Variants in EFR3B observed in about 807,000 individuals in gnomAD.
The protein encoded by EFR3B is EFR3 homolog B, also known as protein EFR3 homolog B.
In EFR3B, 64 loss-of-function variants were observed where a neutral mutation model predicts 104.7. The observed-to-expected ratio is 0.61, with a 90% CI of 0.50 to 0.75. The LOEUF is 0.75. EFR3B is among the 30% of genes least tolerant of loss of function. The probability of loss-of-function intolerance (pLI) is 0.00; values close to 1 mark genes in which losing one functional copy is unlikely to be tolerated. For synonymous variants in EFR3B, 385 were observed against 417.9 expected, an observed-to-expected ratio of 0.92 and a Z score of 0.96; for missense variants, 750 against 1,078.5, an observed-to-expected ratio of 0.70 and a Z score of 4.27.
intron 20 of EFR3B, 31 bp downstream of exon 20, chr2:25,149,773 G>A: frequency 1.3e-6 from 2 of 1,546,730 alleles, no homozygotes; most frequent in Non-Finnish European, 1.8e-6. Flanking sequence ...TCTGGTTAGA[G>A]GGCAAAATGG....
intron 3 of EFR3B, among the ~76,000 whole-genome samples, chr2:25,097,862 A>G (rs1669326911): frequency 1.3e-5 from 2 of 152,252 alleles, no homozygotes; most frequent in Non-Finnish European, 2.9e-5. Context: ...ACCCCTGAGC[A>G]TTGATGGGTG....
intron 4 of EFR3B, among the ~76,000 whole-genome samples, chr2:25,110,892 A>T (rs767128695): frequency 1.3e-5 from 2 of 151,922 alleles, no homozygotes; most frequent in Non-Finnish European, 2.9e-5. Context: ...ACATCCCTTA[A>T]CTCTCTTAGC....
chr2:25,157,856 TAGA>T lies in EFR3B; in HGVS notation c.*3519_*3521del, dbSNP rs1352661070. 1 of 152,266 alleles carries T rather than the reference TAGA, an allele frequency of 6.6e-6. No individual in the cohort carries two copies. The highest frequency in any genetic ancestry group is 1.5e-5 in the Non-Finnish European group (1 of 68,128). 9.4% of individuals were successfully genotyped at this position (152,266 alleles called of 1,614,324 possible). ...TGACTCCTAAACAGCCTCCTCACTATAGAAGGAGCCTGAGCAGGTCAGAAGAAC... is the reference window on the plus strand; with the variant it reads ...TGACTCCTAAACAGCCTCCTCACTATAGGAGCCTGAGCAGGTCAGAAGAAC... On this transcript the variant is annotated 3_prime_UTR_variant, in exon 23 of 23. Transcript: ENST00000403714.
At chr2:25,128,820 G>C (rs1279198427) in intron 6 of EFR3B, among the ~76,000 whole-genome samples, 1 of 151,636 alleles carries the variant, frequency 6.6e-6, no homozygotes, top group Non-Finnish European at 1.5e-5. Flanking sequence ...AAAATTAGCT[G>C]AGCGTGGTGG....
chr2:25,047,976 G>A (rs908458825), intron 1 of EFR3B, among the ~76,000 whole-genome samples: 1 of 151,998 alleles, frequency 6.6e-6, no homozygotes, highest in African/African-American at 2.4e-5. Flanking sequence ...AACATTTACT[G>A]CTCTAATATC....
chr2:25,152,589 CAGAG>C (rs1434201753), intron 21 of EFR3B, among the ~76,000 whole-genome samples: 4 of 152,014 alleles, frequency 2.6e-5, no homozygotes, highest in Non-Finnish European at 5.9e-5. Flanking sequence ...GCAAAGAGAT[CAGAG>C]AGAGAGGCAG....
intron 1 of EFR3B, 87 bp from the exon 2 acceptor site, chr2:25,091,238 A>G: frequency 1.6e-6 from 2 of 1,286,082 alleles, no homozygotes; most frequent in Admixed American, 4.7e-5. Flanking sequence ...GTTTCCTGCC[A>G]CTCACAGGCT....
Position 25,042,276 on chromosome 2 carries a change from C to A in EFR3B, c.-37C>A. 2 of 1,309,298 alleles carry A rather than the reference C, an allele frequency of 1.5e-6. No individual in the cohort carries two copies. Among genetic ancestry groups the A allele is most frequent in the Non-Finnish European group, 1.9e-6 (2 of 1,029,424 alleles). 81.1% of individuals were successfully genotyped at this position (1,309,298 alleles called of 1,614,324 possible). A position where few individuals can be genotyped will look rare whatever the true frequency, so the allele number is the denominator to read the frequency against. On this transcript the variant is annotated 5_prime_UTR_variant, in exon 1 of 23. Transcript: ENST00000403714. The surrounding 1 kb of genome is among the most constrained non-coding windows in gnomAD (Gnocchi z 5.4). ...CGAGGGCTGGCTGGGAACGCCGCAG[C>A]GACGCCGGCCTCTCGAGAGGCGCGC... is the stretch of plus-strand genomic sequence containing the variant.
chr2:25,079,748 T>C (rs1668737853), intron 1 of EFR3B, among the ~76,000 whole-genome samples: 1 of 152,202 alleles, frequency 6.6e-6, no homozygotes, highest in African/African-American at 2.4e-5. Flanking sequence ...GTTCTATAAA[T>C]AGAATTAAAT....
intron 3 of EFR3B, among the ~76,000 whole-genome samples, chr2:25,094,053 G>A (rs1669208640): frequency 6.6e-6 from 1 of 152,006 alleles, no homozygotes; most frequent in South Asian, 2.1e-4. Context: ...TTAGGAGGCT[G>A]AGGTGGGAGG....
intron 1 of EFR3B, among the ~76,000 whole-genome samples, chr2:25,056,312 G>C (rs949413532): frequency 1.3e-5 from 2 of 152,090 alleles, no homozygotes; most frequent in African/African-American, 2.4e-5. Flanking sequence ...AGGACTTCTC[G>C]TGTATTTCCT....
At chr2:25,142,964 A>C (rs978254494) in intron 17 of EFR3B, among the ~76,000 whole-genome samples, 3 of 149,514 alleles carry the variant, frequency 2.0e-5, no homozygotes, top group African/African-American at 7.3e-5. Flanking sequence ...AAAAAAAAAA[A>C]AGGCTGGGCA....
At chr2:25,094,282 CAAAAAAAA>C (rs11455802) in intron 3 of EFR3B, among the ~76,000 whole-genome samples, 1 of 91,678 alleles carries the variant, frequency 1.1e-5, no homozygotes, top group African/African-American at 5.0e-5. Flanking sequence ...GAGACTGTCT[CAAAAAAAA>C]AAAAAAAAAA....
At chr2:25,044,075 C>G (rs1334059448) in intron 1 of EFR3B, among the ~76,000 whole-genome samples, 1 of 152,214 alleles carries the variant, frequency 6.6e-6, no homozygotes, top group Non-Finnish European at 1.5e-5. Context: ...CATCTGGGTG[C>G]TATTTTCAGA....
At chr2:25,091,239 C>G (rs1276972997) in intron 1 of EFR3B, 86 bp from the exon 2 acceptor site, 3 of 1,327,524 alleles carry the variant, frequency 2.3e-6, no homozygotes, top group South Asian at 1.3e-5. Flanking sequence ...TTTCCTGCCA[C>G]TCACAGGCTG....
chr2:25,044,657 C>T (rs944502129), intron 1 of EFR3B, among the ~76,000 whole-genome samples: 3 of 152,108 alleles, frequency 2.0e-5, no homozygotes, highest in African/African-American at 2.4e-5. Flanking sequence ...GTTTTATTAA[C>T]GTGATGGGCA....
chr2:25,054,891 T>C (rs533751963), intron 1 of EFR3B, among the ~76,000 whole-genome samples: 2 of 152,326 alleles, frequency 1.3e-5, no homozygotes, highest in African/African-American at 2.4e-5. Context: ...AATCCATGAC[T>C]GTGTCCCTCT....
chr2:25,073,548 A>C (rs55802814), intron 1 of EFR3B, among the ~76,000 whole-genome samples: 2 of 151,636 alleles, frequency 1.3e-5, no homozygotes, highest in African/African-American at 2.4e-5. Flanking sequence ...TGTAGAGAGG[A>C]GTTTCGCCAT....
chr2:25,078,704 A>G (rs1388972584), intron 1 of EFR3B, among the ~76,000 whole-genome samples: 3 of 152,228 alleles, frequency 2.0e-5, no homozygotes, highest in African/African-American at 7.2e-5. Flanking sequence ...TCGCCTGAAC[A>G]AGCAGTGGGA....
Sources: gnomAD v4.1 joint callset for allele counts (sites outside exome capture counted in the v4.1 genomes callset) on GRCh38, gnomAD v4.1.1 for gene constraint, Gnocchi (gnomAD v3.1) non-coding constraint, MANE v1.5 for transcripts, NCBI Gene and HGNC (gene_info 2026-07-23, HGNC 2026-07-21) for gene names.